MYOM2: variants seen among roughly 807,000 people sequenced by gnomAD.
MYOM2 encodes the protein myomesin 2.
MYOM2 carries 254 observed loss-of-function variants against 187.6 expected under a neutral mutation model. The observed-to-expected ratio is 1.35, with a 90% CI of 1.22 to 1.50. The LOEUF (loss-of-function observed/expected upper bound fraction) is 1.50. Among genes scored for constraint, MYOM2 ranks in the 40% most tolerant of loss-of-function variants. The probability of loss-of-function intolerance (pLI) is 0.00; values close to 1 mark genes in which losing one functional copy is unlikely to be tolerated. For synonymous variants in MYOM2, 981 were observed against 753.8 expected, an observed-to-expected ratio of 1.30 and a Z score of -4.94; for missense variants, 2,796 against 1,924.0, an observed-to-expected ratio of 1.45 and a Z score of -8.48.
At chr8:2,133,651 G>C (rs575833652) in intron 32 of MYOM2, among the ~76,000 whole-genome samples, 184 of 152,282 alleles carry the variant, frequency 1.2e-3, no homozygotes, top group Non-Finnish European at 2.1e-3. Context: ...AGTAGAGATG[G>C]GGTTTCACCA....
chr8:2,129,057 C>G, intron 31 of MYOM2, 70 bp from the exon 32 acceptor site: 2 of 1,183,624 alleles, frequency 1.7e-6, no homozygotes. Context: ...GGCTTGCCGC[C>G]GCGATGCTTT....
At position 2,117,924 on chromosome 8, in the gene MYOM2, A is replaced by C. The variant is rs1332897897; in HGVS notation, c.3425A>C (p.Glu1142Ala). The change falls in exon 28 of 37, where the codon GAA becomes GCA. Residue 1142 changes from glutamate (E) to alanine (A), a missense_variant. Glu to Ala is a moderately radical substitution (Grantham distance 107). Coordinates refer to ENST00000262113, the MANE Select transcript of MYOM2 (RefSeq NM_003970.4). ...GAGTACTTGCACTGGGATGTCACGG[A>C]AGAATGTGAAGTTCGACTTGTTTGC... ...FAEYLHWDVTEECEVRLVCKV... is the reference protein window; with the variant it reads ...FAEYLHWDVTAECEVRLVCKV... 6.2e-7 allele frequency: 1 copy of C among 1,613,216 alleles called. No homozygotes were observed. Among genetic ancestry groups the C allele is most frequent in the Non-Finnish European group, 8.5e-7 (1 of 1,179,612 alleles).
intron 28 of MYOM2, chr8:2,119,242 G>C (rs912549885): frequency 6.6e-6 from 1 of 152,304 alleles, no homozygotes; most frequent in African/African-American, 2.4e-5. Context: ...TGGACATGAC[G>C]CAAGTGGGTC....
intron 10 of MYOM2, among the ~76,000 whole-genome samples, chr8:2,074,672 C>T (rs1310285171): frequency 6.6e-6 from 1 of 152,132 alleles, no homozygotes; most frequent in African/African-American, 2.4e-5. Flanking sequence ...CCAGGCTGGT[C>T]TCGAACTCTT....
chr8:2,137,001 C>CTA (rs927868377), intron 32 of MYOM2, among the ~76,000 whole-genome samples: 2 of 152,162 alleles, frequency 1.3e-5, no homozygotes, highest in African/African-American at 4.8e-5. Flanking sequence ...GGCTCTAAGT[C>CTA]TAAACAGTGA....
In MYOM2 at chr8:2,081,867, A is replaced by T. The variant is rs539082884; in HGVS notation, c.1516+2254A>T. 3.9e-5 allele frequency: 6 copies of T among 152,252 alleles called. No individual in the cohort carries two copies. The South Asian group carries it at 1.2e-3, about 32-fold the overall frequency. 9.4% of individuals were successfully genotyped at this position (152,252 alleles called of 1,614,324 possible). ...CACTGTAGCTCTCATTTCCCGTTGG[A>T]GTAAAGACACAGATGCTCTTTTCCA... On this transcript the variant is annotated intron_variant, in intron 13 of 36. Transcript: ENST00000262113.
chr8:2,057,220 C>T, intron 3 of MYOM2, 128 bp from the exon 4 acceptor site: 1 of 1,041,064 alleles, frequency 9.6e-7, no homozygotes, highest in Non-Finnish European at 1.4e-6. Flanking sequence ...TAGCATTTCT[C>T]CTGTTCTCTT....
chr8:2,092,947 C>G (rs1796360181), intron 16 of MYOM2, among the ~76,000 whole-genome samples: 2 of 152,138 alleles, frequency 1.3e-5, no homozygotes, highest in Admixed American at 6.5e-5. Flanking sequence ...CCACCGGGCG[C>G]CGACTCTTCG....
chr8:2,053,847 A>G (rs1258138769), intron 3 of MYOM2, among the ~76,000 whole-genome samples: 1 of 152,120 alleles, frequency 6.6e-6, no homozygotes, highest in Non-Finnish European at 1.5e-5. Flanking sequence ...GCAGCCCCCG[A>G]GTGTTGTATT....
At position 2,108,803 on chromosome 8, in the gene MYOM2, G is replaced by C; in HGVS notation, c.3016G>C (p.Ala1006Pro). Residue 1006 changes from alanine to proline, a missense_variant, in exon 24 of 37, where the codon GCA becomes CCA. By Grantham distance (27) the Ala-to-Pro change is conservative. Coordinates refer to ENST00000262113, the MANE Select transcript of MYOM2 (RefSeq NM_003970.4). ...LDPEELERLMALSNEIKNPTI... is the reference protein window; with the variant it reads ...LDPEELERLMPLSNEIKNPTI... ...CGTTTTAGAGCTCGAGCGTTTGATGGCATTGAGCAATGAAATAAAGAACCC... is the reference window on the plus strand; with the variant it reads ...CGTTTTAGAGCTCGAGCGTTTGATGCCATTGAGCAATGAAATAAAGAACCC... 1 of 1,613,728 alleles carries C rather than the reference G, an allele frequency of 6.2e-7. No individual in the cohort carries two copies. Among genetic ancestry groups the C allele is most frequent in the East Asian group, 2.2e-5 (1 of 44,842 alleles).
intron 21 of MYOM2, among the ~76,000 whole-genome samples, chr8:2,104,322 C>T (rs971030060): frequency 3.3e-5 from 5 of 152,076 alleles, no homozygotes; most frequent in African/African-American, 7.2e-5. Flanking sequence ...TTTATTGGGG[C>T]GTGGGTGTGG....
chr8:2,096,472 G>C, intron 18 of MYOM2, 38 bp downstream of exon 18: 1 of 1,595,906 alleles, frequency 6.3e-7, no homozygotes, highest in Non-Finnish European at 8.6e-7. Flanking sequence ...TTTTTGCCTG[G>C]GTGGTTCTTT....
intron 32 of MYOM2, among the ~76,000 whole-genome samples, chr8:2,138,046 T>G (rs956716990): frequency 2.0e-5 from 3 of 152,184 alleles, no homozygotes; most frequent in Non-Finnish European, 4.4e-5. Flanking sequence ...TAATTTTCCT[T>G]TTATACACAG....
At chr8:2,065,720 T>G (rs976680852) in intron 6 of MYOM2, among the ~76,000 whole-genome samples, 1 of 152,152 alleles carries the variant, frequency 6.6e-6, no homozygotes, top group Non-Finnish European at 1.5e-5. Flanking sequence ...AATGAAAACA[T>G]TTTTACCTTG....
intron 13 of MYOM2, among the ~76,000 whole-genome samples, chr8:2,080,431 A>T (rs960053984): frequency 1.6e-4 from 24 of 152,200 alleles, no homozygotes; most frequent in Non-Finnish European, 1.5e-5. Context: ...TTTCTCTAGG[A>T]TCTCAAAACA....
At chr8:2,099,019 G>C (rs375165621) in intron 19 of MYOM2, 36 bp downstream of exon 19, 13 of 1,565,616 alleles carry the variant, frequency 8.3e-6, no homozygotes, top group Non-Finnish European at 1.1e-5. Flanking sequence ...GCGTTCCAGC[G>C]CACAGGCTGG....
chr8:2,060,982 C>A (rs989976811), intron 6 of MYOM2, among the ~76,000 whole-genome samples: 1 of 152,008 alleles, frequency 6.6e-6, no homozygotes, highest in African/African-American at 2.4e-5. Flanking sequence ...GGGGTTCCGG[C>A]CGAGCCTCCC....
At chr8:2,104,546 A>G (rs532516374) in intron 21 of MYOM2, among the ~76,000 whole-genome samples, 122 of 151,970 alleles carry the variant, frequency 8.0e-4, no homozygotes, top group Non-Finnish European at 1.3e-3. Flanking sequence ...CGGAGGTTGC[A>G]GTGAGCCGAG....
At chr8:2,111,785 G>A (rs1046580470) in intron 25 of MYOM2, among the ~76,000 whole-genome samples, 1 of 152,130 alleles carries the variant, frequency 6.6e-6, no homozygotes, top group Non-Finnish European at 1.5e-5. Context: ...ACAGTCTGAG[G>A]TCATGCCTTC....
Sources: gnomAD v4.1 joint callset for allele counts (sites outside exome capture counted in the v4.1 genomes callset) on GRCh38, gnomAD v4.1.1 for gene constraint, MANE v1.5 for transcripts, NCBI Gene and HGNC (gene_info 2026-07-23, HGNC 2026-07-21) for gene names.